RGS5: variants seen among roughly 807,000 people sequenced by gnomAD.
RGS5 encodes the protein regulator of G-protein signalling 5.
A neutral mutation model predicts 18.9 loss-of-function variants in RGS5; 20 were observed. The observed-to-expected ratio is 1.06, with a 90% CI of 0.74 to 1.54. The LOEUF is 1.54. RGS5 is among the 40% of genes most tolerant of loss of function. The pLI is 0.00. For missense variants in RGS5, 201 were observed against 211.8 expected, an observed-to-expected ratio of 0.95 and a Z score of 0.32; for synonymous variants, 57 against 76.2, an observed-to-expected ratio of 0.75 and a Z score of 1.31.
intron 1 of RGS5, among the ~76,000 whole-genome samples, chr1:163,186,675 A>G (rs376631975): frequency 1.3e-5 from 2 of 152,216 alleles, no homozygotes; most frequent in African/African-American, 4.8e-5. Flanking sequence ...AGTTCATCTG[A>G]TAAAATAAAA....
At chr1:163,170,408 T>C (rs1373085347) in intron 1 of RGS5, among the ~76,000 whole-genome samples, 1 of 152,184 alleles carries the variant, frequency 6.6e-6, no homozygotes, top group Non-Finnish European at 1.5e-5. Flanking sequence ...TACCTCCCAG[T>C]CAATGCTAAT....
chr1:163,159,096 G>A (rs1399170745), intron 3 of RGS5, among the ~76,000 whole-genome samples: 1 of 152,148 alleles, frequency 6.6e-6, no homozygotes, highest in East Asian at 1.9e-4. Flanking sequence ...AGAGTTTAAG[G>A]TTGTCTCCCT....
At chr1:163,284,509 TAA>T (rs757096042) in intron 2 of RGS5, among the ~76,000 whole-genome samples, 3 of 152,180 alleles carry the variant, frequency 2.0e-5, no homozygotes, top group Non-Finnish European at 4.4e-5. Context: ...TACCAGCATA[TAA>T]AATTCATGAA....
intron 2 of RGS5, among the ~76,000 whole-genome samples, chr1:163,228,026 C>T (rs924287888): frequency 1.3e-5 from 2 of 152,234 alleles, no homozygotes; most frequent in Admixed American, 6.5e-5. Context: ...GATGCTTTCA[C>T]AGGGGGGCAT....
chr1:163,252,897 C>T (rs1412011519), intron 2 of RGS5, among the ~76,000 whole-genome samples: 1 of 152,082 alleles, frequency 6.6e-6, no homozygotes, highest in Non-Finnish European at 1.5e-5. Flanking sequence ...CTATTCTGAG[C>T]CCGAATTTCA....
chr1:163,311,207 C>A (rs1252092843), intron 1 of RGS5, among the ~76,000 whole-genome samples: 1 of 152,248 alleles, frequency 6.6e-6, no homozygotes, highest in African/African-American at 2.4e-5. Context: ...TCCTGTCTGT[C>A]AGCCTTCATA....
At chr1:163,229,576 TCTTC>T (rs1647424631) in intron 2 of RGS5, among the ~76,000 whole-genome samples, 2 of 152,210 alleles carry the variant, frequency 1.3e-5, no homozygotes, top group African/African-American at 4.8e-5. Flanking sequence ...TCTGACTCTG[TCTTC>T]TACTCCCCTT....
rs1468840994 is a variant in RGS5 at position 163,247,187 on chromosome 1, C to A, written c.-281+59046G>T. Among the ~76,000 whole-genome samples, 3 of 152,280 alleles carry A rather than the reference C, an allele frequency of 2.0e-5. 1 individual carries two copies. The highest frequency in any genetic ancestry group is 3.9e-4 in the East Asian group (2 of 5,190). ...CTGTATACCAAACTCCAGCAACACA[C>A]AATTTATCCACGTAACAAATCTGCA... On this transcript the variant is annotated intron_variant, in intron 2 of 5. Transcript: ENST00000618415.
chr1:163,193,439 C>T (rs1429383796), intron 1 of RGS5, among the ~76,000 whole-genome samples: 1 of 151,566 alleles, frequency 6.6e-6, no homozygotes, highest in Non-Finnish European at 1.5e-5. Flanking sequence ...GGCATGGCAA[C>T]TGAATGGAAT....
chr1:163,307,013 T>C (rs953341095), intron 1 of RGS5, among the ~76,000 whole-genome samples: 1 of 152,244 alleles, frequency 6.6e-6, no homozygotes, highest in Non-Finnish European at 1.5e-5. Flanking sequence ...TGATGCATTA[T>C]ACCTTAATTC....
chr1:163,257,370 C>A (rs1400693573), intron 2 of RGS5, among the ~76,000 whole-genome samples: 1 of 151,814 alleles, frequency 6.6e-6, no homozygotes, highest in Admixed American at 6.6e-5. Flanking sequence ...TAGTCAAAGA[C>A]GATTTTTAAG....
intron 2 of RGS5, among the ~76,000 whole-genome samples, chr1:163,270,352 GAAA>G (rs59181379): frequency 0.17 from 16,488 of 94,418 alleles, 1,056 homozygotes; most frequent in Non-Finnish European, 0.21. Context: ...TCTCTATTGA[GAAA>G]AAAAAAAAAA....
In RGS5 at chr1:163,142,346, A is replaced by T. The variant is rs964710960; in HGVS notation, c.*4996T>A. ...TAATATAATATGTGTGATTGTGGTT[A>T]CAGATACATATTTGGTGCTTTATTT... On this transcript the variant is annotated 3_prime_UTR_variant, in exon 5 of 5. Coordinates refer to ENST00000313961, the MANE Select transcript of RGS5 (RefSeq NM_003617.4). The T allele has an allele frequency of 1.3e-5, 2 of 152,218 alleles. No individual in the cohort carries two copies. Among genetic ancestry groups the T allele is most frequent in the African/African-American group, 4.8e-5 (2 of 41,462 alleles). 9.4% of individuals were successfully genotyped at this position (152,218 alleles called of 1,614,324 possible).
chr1:163,280,628 A>T (rs955737421), intron 2 of RGS5, among the ~76,000 whole-genome samples: 5 of 111,420 alleles, frequency 4.5e-5, no homozygotes, highest in Admixed American at 3.6e-4. Context: ...AAAAAAAGTA[A>T]AAAAAACTTC....
chr1:163,148,222 C>T (rs564982749), intron 4 of RGS5, among the ~76,000 whole-genome samples: 16 of 152,030 alleles, frequency 1.1e-4, no homozygotes, highest in African/African-American at 3.4e-4. Context: ...CCACCGCGTC[C>T]GGCCCTGGTG....
chr1:163,182,898 C>T (rs371080639), intron 1 of RGS5, among the ~76,000 whole-genome samples: 1 of 100,764 alleles, frequency 9.9e-6, no homozygotes, highest in Admixed American at 1.2e-4. Context: ...GCACTAGTAA[C>T]TCATTTTATA....
chr1:163,256,617 T>A (rs1648278715), intron 2 of RGS5, among the ~76,000 whole-genome samples: 1 of 152,142 alleles, frequency 6.6e-6, no homozygotes, highest in Non-Finnish European at 1.5e-5. Context: ...GAAAAGTACA[T>A]CTCCTAGGCA....
intron 1 of RGS5, among the ~76,000 whole-genome samples, chr1:163,313,289 T>C (rs1649924605): frequency 6.6e-6 from 1 of 152,242 alleles, no homozygotes; most frequent in Admixed American, 6.5e-5. Context: ...TGTTTTGTTT[T>C]AGTTAATACT....
intron 2 of RGS5, among the ~76,000 whole-genome samples, chr1:163,280,799 C>G (rs182015194): frequency 6.6e-6 from 1 of 152,040 alleles, no homozygotes; most frequent in Non-Finnish European, 1.5e-5. Context: ...TGAAAAAGAG[C>G]CTGAATAGCC....
Sources: gnomAD v4.1 joint callset for allele counts (sites outside exome capture counted in the v4.1 genomes callset) on GRCh38, gnomAD v4.1.1 for gene constraint, MANE v1.5 for transcripts, NCBI Gene and HGNC (gene_info 2026-07-23, HGNC 2026-07-21) for gene names.